KIF16B: variants seen among roughly 807,000 people sequenced by gnomAD.
The protein encoded by KIF16B is kinesin family member 16B, also known as kinesin-like protein KIF16B.
In KIF16B, 98 loss-of-function variants were observed where a neutral mutation model predicts 156.3. That is an observed-to-expected ratio of 0.63 (90% CI 0.53 to 0.74). The LOEUF (loss-of-function observed/expected upper bound fraction) is 0.74. Ranked by LOEUF, KIF16B falls within the 30% of genes least tolerant of loss-of-function variation. The pLI, the probability that KIF16B is intolerant of heterozygous loss-of-function variation, is 0.00. For synonymous variants in KIF16B, 564 were observed against 583.7 expected (o/e 0.97, Z 0.49); for missense variants, 1,421 against 1,606.5 (o/e 0.88, Z 1.97).
chr20:16,387,666 G>C (rs891433401), intron 17 of KIF16B, among the ~76,000 whole-genome samples: 1 of 152,196 alleles, frequency 6.6e-6, no homozygotes, highest in African/African-American at 2.4e-5. Context: ...TCTGGAAGGG[G>C]AGGAGAAGGC....
chr20:16,395,905 T>C (rs1326011871), intron 17 of KIF16B, among the ~76,000 whole-genome samples: 8 of 152,140 alleles, frequency 5.3e-5, no homozygotes, highest in Non-Finnish European at 8.8e-5. Flanking sequence ...TGGTGATATA[T>C]GTATAAACAA....
At chr20:16,367,963 C>T (rs988464175) in intron 22 of KIF16B, 9 of 1,440,638 alleles carry the variant, frequency 6.2e-6, no homozygotes, top group Admixed American at 5.7e-5. Context: ...ATGAAAAATG[C>T]TCATTGAGCC....
intron 12 of KIF16B, among the ~76,000 whole-genome samples, chr20:16,431,350 C>G (rs904538355): frequency 1.3e-5 from 2 of 152,172 alleles, no homozygotes; most frequent in Non-Finnish European, 2.9e-5. Flanking sequence ...GATGTTCTAC[C>G]AAATTCTACC....
intron 22 of KIF16B, chr20:16,368,369 C>T: frequency 2.0e-6 from 2 of 989,258 alleles, no homozygotes; most frequent in Non-Finnish European, 2.4e-6. Context: ...CCAACCCGAG[C>T]TTCCGGAGAA....
intron 17 of KIF16B, 71 bp from the exon 18 acceptor site, chr20:16,381,818 C>A: frequency 7.9e-7 from 1 of 1,261,524 alleles, no homozygotes; most frequent in Non-Finnish European, 1.1e-6. Context: ...TCTCTGTATA[C>A]AGAGTCACAT....
intron 25 of KIF16B, among the ~76,000 whole-genome samples, chr20:16,293,985 T>TA (rs1280206543): frequency 1.3e-5 from 2 of 151,938 alleles, no homozygotes; most frequent in Non-Finnish European, 2.9e-5. Flanking sequence ...TAAAATTTTT[T>TA]AAAAAGTCAA....
Position 16,379,247 on chromosome 20 carries a change from T to C in KIF16B, c.2755A>G (p.Thr919Ala), listed in dbSNP as rs747323738. The C allele has an allele frequency of 2.5e-6, 4 of 1,614,084 alleles. No individual in the cohort carries two copies. The highest frequency in any genetic ancestry group is 2.5e-6 in the Non-Finnish European group (3 of 1,180,014). ...GCTCTCTGCTTTTCTTCCAACAGAG[T>C]TGGCAAGTGATTCTGCAGGAGGTAC... Reference protein sequence around the residue: ...LQYLLQNHLPTLLEEKQRAFE... With the variant: ...LQYLLQNHLPALLEEKQRAFE... The change falls in exon 19 of 26, where the codon ACT becomes GCT. Residue 919 changes from threonine (T) to alanine (A), a missense_variant. Transcript: ENST00000354981.
chr20:16,527,507 A>G (rs1363383610), intron 2 of KIF16B, among the ~76,000 whole-genome samples: 1 of 152,218 alleles, frequency 6.6e-6, no homozygotes, highest in Non-Finnish European at 1.5e-5. Context: ...CCTAAAAGTT[A>G]ATGACAAATA....
chr20:16,349,338 T>C (rs2064291491), intron 23 of KIF16B, among the ~76,000 whole-genome samples: 1 of 152,174 alleles, frequency 6.6e-6, no homozygotes, highest in Non-Finnish European at 1.5e-5. Flanking sequence ...TGTGAGCCTT[T>C]CTGTACGGTG....
chr20:16,399,552 G>A (rs1346224108), intron 17 of KIF16B, among the ~76,000 whole-genome samples: 1 of 152,136 alleles, frequency 6.6e-6, no homozygotes, highest in East Asian at 1.9e-4. Flanking sequence ...TATTCAACAG[G>A]GGGATTTGCC....
chr20:16,364,156 T>C (rs928681756), intron 22 of KIF16B, among the ~76,000 whole-genome samples: 2 of 152,212 alleles, frequency 1.3e-5, no homozygotes, highest in African/African-American at 4.8e-5. Context: ...TGCACATTTT[T>C]AAAGTAATGA....
At position 16,427,139 on chromosome 20, in the gene KIF16B, C is replaced by T. The variant is rs777979045; in HGVS notation, c.1577G>A (p.Gly526Asp). ...ATGTGTGGCCTCCACGATCTGAACA[C>T]CATTCACAGAGCACTGGGACCCACT... ...PLSGSQCSVN[G>D]VQIVEATHLN... The change falls in exon 15 of 26, where the codon GGT becomes GAT. Residue 526 changes from glycine (G) to aspartate (D), a missense_variant. Transcript: ENST00000354981. 3.1e-6 allele frequency: 5 copies of T among 1,611,818 alleles called. No homozygotes were observed. In the African/African-American group the frequency reaches 5.3e-5, roughly 17 times the overall value.
intron 6 of KIF16B, 80 bp downstream of exon 6, chr20:16,511,338 T>C (rs2068948813): frequency 2.6e-6 from 2 of 763,122 alleles, no homozygotes; most frequent in African/African-American, 1.7e-5. Flanking sequence ...AAGCTCACCA[T>C]TATGCTATAT....
chr20:16,550,002 C>T (rs2070576484), intron 1 of KIF16B, among the ~76,000 whole-genome samples: 1 of 90,382 alleles, frequency 1.1e-5, no homozygotes, highest in Non-Finnish European at 2.1e-5. Context: ...CAAATGGGAT[C>T]TAATTAAACT....
At chr20:16,414,863 G>A (rs747944717) in intron 15 of KIF16B, among the ~76,000 whole-genome samples, 1 of 152,130 alleles carries the variant, frequency 6.6e-6, no homozygotes, top group Non-Finnish European at 1.5e-5. Context: ...GATGGTGCAA[G>A]AGTGATACAC....
intron 23 of KIF16B, among the ~76,000 whole-genome samples, chr20:16,353,578 GA>G (rs150175580): frequency 0.029 from 4,476 of 152,204 alleles, 89 homozygotes; most frequent in African/African-American, 0.045. Context: ...CCAACCCAAT[GA>G]GGGGGGGGTT....
chr20:16,317,079 G>A (rs1028240153), intron 24 of KIF16B, among the ~76,000 whole-genome samples: 8 of 152,134 alleles, frequency 5.3e-5, no homozygotes, highest in South Asian at 2.1e-4. Context: ...GATTTCTCAC[G>A]TTAAATAAAA....
intron 10 of KIF16B, among the ~76,000 whole-genome samples, chr20:16,501,400 G>A (rs1043463957): frequency 1.3e-5 from 2 of 149,520 alleles, no homozygotes; most frequent in South Asian, 2.1e-4. Context: ...TACACTGATG[G>A]TGGTCTATTA....
chr20:16,447,692 T>A (rs967249972), intron 12 of KIF16B, among the ~76,000 whole-genome samples: 2 of 152,198 alleles, frequency 1.3e-5, no homozygotes, highest in Admixed American at 1.3e-4. Flanking sequence ...GCTAAAGCCA[T>A]AAGCAGCTGT....
Sources: gnomAD v4.1 joint callset for allele counts (sites outside exome capture counted in the v4.1 genomes callset) on GRCh38, gnomAD v4.1.1 for gene constraint, MANE v1.5 for transcripts, NCBI Gene and HGNC (gene_info 2026-07-23, HGNC 2026-07-21) for gene names.